The following ZNF765 variants were observed in gnomAD, a reference collection of about 807,000 sequenced individuals.
ZNF765 encodes zinc finger protein 765.
A neutral mutation model predicts 44.7 loss-of-function variants in ZNF765; 37 were observed. That is an observed-to-expected ratio of 0.83 (90% CI 0.64 to 1.09). The LOEUF (loss-of-function observed/expected upper bound fraction) is 1.09. Among genes scored for constraint, ZNF765 ranks in the 50% least tolerant of loss-of-function variants. The pLI is 0.00. For missense variants in ZNF765, 594 were observed against 626.1 expected (o/e 0.95, Z 0.55); for synonymous variants, 201 against 213.7 (o/e 0.94, Z 0.52).
intron 2 of ZNF765, among the ~76,000 whole-genome samples, chr19:53,398,688 G>A (rs2085694059): frequency 6.6e-6 from 1 of 152,184 alleles, no homozygotes; most frequent in African/African-American, 2.4e-5. Flanking sequence ...TTCCTGTGGA[G>A]AGGCTTGTGA....
intron 3 of ZNF765, among the ~76,000 whole-genome samples, chr19:53,419,074 C>G (rs1195181772): frequency 6.6e-6 from 1 of 152,054 alleles, no homozygotes; most frequent in Non-Finnish European, 1.5e-5. Flanking sequence ...GACCCTATAC[C>G]AGTCCCTGAT....
At chr19:53,420,332 AAAAAT>A (rs1051140407) in intron 3 of ZNF765, among the ~76,000 whole-genome samples, 3 of 152,210 alleles carry the variant, frequency 2.0e-5, no homozygotes, top group African/African-American at 7.2e-5. Context: ...ATCCATCTCA[AAAAAT>A]AAAATATAAA....
intron 1 of ZNF765, among the ~76,000 whole-genome samples, chr19:53,395,853 C>T (rs962195545): frequency 1.3e-5 from 2 of 152,112 alleles, no homozygotes; most frequent in African/African-American, 4.8e-5. Flanking sequence ...TCCAAAGCCT[C>T]CGGTGCTTGT....
chr19:53,415,531 T>C (rs2085869809), downstream of ZNF765, among the ~76,000 whole-genome samples: 2 of 151,092 alleles, frequency 1.3e-5, no homozygotes, highest in South Asian at 4.2e-4. Flanking sequence ...CTTTTTATTT[T>C]AGTGTTTAAA....
At chr19:53,420,423 AT>A (rs1216096235) in intron 3 of ZNF765, among the ~76,000 whole-genome samples, 1 of 152,198 alleles carries the variant, frequency 6.6e-6, no homozygotes, top group Admixed American at 6.5e-5. Flanking sequence ...TACAGATTTA[AT>A]TTTTTATATA....
chr19:53,396,320 AAG>A (rs1042492895), intron 1 of ZNF765, among the ~76,000 whole-genome samples: 5 of 151,490 alleles, frequency 3.3e-5, no homozygotes, highest in Admixed American at 6.6e-5. Context: ...GCGGGAAACT[AAG>A]TACTAGAGAG....
In ZNF765 at chr19:53,402,171, A is replaced by G; in HGVS notation, c.122A>G (p.Tyr41Cys). The change falls in exon 3 of 4, where the codon TAT (tyrosine) becomes TGT (cysteine). Residue 41 changes from tyrosine to cysteine, a missense_variant. Tyr to Cys is a radical substitution (Grantham distance 194, BLOSUM62 -2). Transcript: ENST00000396408. The part of the protein sequence containing the change: ...TLYRDVMLEN[Y>C]RNLVSLDISS... ...TACAGGGACGTGATGCTGGAGAATT[A>G]TAGGAACCTGGTCTCCCTGGGTGAG... 6.2e-7 allele frequency: 1 copy of G among 1,613,002 alleles called. No homozygotes were observed. Among genetic ancestry groups the G allele is most frequent in the Non-Finnish European group, 8.5e-7 (1 of 1,179,700 alleles).
At chr19:53,414,490 C>CACACA (rs1568786145), downstream of ZNF765, among the ~76,000 whole-genome samples, 10 of 17,256 alleles carry the variant, frequency 5.8e-4, no homozygotes, top group South Asian at 2.2e-3. Flanking sequence ...CACACACACA[C>CACACA]CCCCCCCCCC....
downstream of ZNF765, among the ~76,000 whole-genome samples, chr19:53,416,754 TAC>T (rs924262524): frequency 1.3e-5 from 2 of 151,476 alleles, no homozygotes; most frequent in South Asian, 2.1e-4. Flanking sequence ...TGGTAAACTC[TAC>T]GTTTCTATGA....
chr19:53,396,252 G>A (rs1320335777), intron 1 of ZNF765, among the ~76,000 whole-genome samples: 1 of 151,934 alleles, frequency 6.6e-6, no homozygotes, highest in Non-Finnish European at 1.5e-5. Flanking sequence ...GGGGATGAGG[G>A]TATAACAGGG....
intron 2 of ZNF765, 32 bp from the exon 3 acceptor site, chr19:53,402,033 A>G: frequency 6.2e-7 from 1 of 1,613,898 alleles, no homozygotes; most frequent in Non-Finnish European, 8.5e-7. Context: ...CTCCTCCCAT[A>G]ACCATTTGGT....
At chr19:53,403,169 A>C (rs1054128776) in intron 3 of ZNF765, among the ~76,000 whole-genome samples, 5 of 151,942 alleles carry the variant, frequency 3.3e-5, no homozygotes, top group African/African-American at 1.2e-4. Flanking sequence ...CAAAAAAAAA[A>C]AGAAAAAAAA....
chr19:53,405,219 G>A (rs1163893670), intron 3 of ZNF765, among the ~76,000 whole-genome samples: 1 of 152,098 alleles, frequency 6.6e-6, no homozygotes, highest in Non-Finnish European at 1.5e-5. Context: ...GAGCGTGGTG[G>A]CGCAAGGCTG....
rs372188479 is a variant in ZNF765, at chr19:53,406,499, G to A, written c.143-1199G>A. On this transcript the variant is annotated intron_variant, in intron 3 of 3. Coordinates refer to ENST00000396408, the MANE Select transcript of ZNF765 (RefSeq NM_001040185.3). Reference sequence around the variant, plus strand: ...TTAGAATTTTGCATGTTGTATAAATGTACTTATTATTTGCTTCCTGGTTTT... The same window carrying A: ...TTAGAATTTTGCATGTTGTATAAATATACTTATTATTTGCTTCCTGGTTTT... Among the ~76,000 whole-genome samples the A allele has an allele frequency of 3.9e-5, 6 of 152,070 alleles. No homozygotes were observed. The East Asian group carries it at 5.8e-4, about 15-fold the overall frequency.
downstream of ZNF765, among the ~76,000 whole-genome samples, chr19:53,415,520 ACTT>A (rs2085869734): frequency 6.6e-6 from 1 of 151,858 alleles, no homozygotes; most frequent in African/African-American, 2.4e-5. Context: ...ATAAATGACT[ACTT>A]TTTATTTTAG....
intron 2 of ZNF765, among the ~76,000 whole-genome samples, chr19:53,400,088 A>AG (rs1156799122): frequency 1.3e-5 from 2 of 152,174 alleles, no homozygotes; most frequent in African/African-American, 2.4e-5. Context: ...GTGGGATTAC[A>AG]GGCATGAGCC....
chr19:53,410,381 T>C lies in ZNF765; in HGVS notation c.*1254T>C. 3.0e-6 allele frequency: 1 copy of C among 336,894 alleles called. No homozygotes were observed. The allele number at this position is 336,894 out of a possible 1,614,324, so 20.9% of individuals were successfully genotyped here. ...CCAAGTTTTCAGTCACACTCAAACCTTGAAAGACACAGGAGAATTCCTACT... is the reference window on the plus strand; with the variant it reads ...CCAAGTTTTCAGTCACACTCAAACCCTGAAAGACACAGGAGAATTCCTACT... On this transcript the variant is annotated 3_prime_UTR_variant, in exon 4 of 4. Coordinates refer to ENST00000396408, the MANE Select transcript of ZNF765 (RefSeq NM_001040185.3).
chr19:53,396,919 A>AGCTGAGTGGTAGTCT (rs1275584340), intron 1 of ZNF765, among the ~76,000 whole-genome samples: 1 of 152,260 alleles, frequency 6.6e-6, no homozygotes, highest in Non-Finnish European at 1.5e-5. Flanking sequence ...TGGAGCTATT[A>AGCTGAGTGGTAGTCT]GCTGAGTGGT....
intron 3 of ZNF765, among the ~76,000 whole-genome samples, chr19:53,402,403 C>G (rs1458477930): frequency 2.0e-5 from 3 of 151,760 alleles, no homozygotes; most frequent in Non-Finnish European, 4.4e-5. Context: ...ACTACAGGCA[C>G]CCACCAACAT....
Sources: gnomAD v4.1 joint callset for allele counts (sites outside exome capture counted in the v4.1 genomes callset) on GRCh38, gnomAD v4.1.1 for gene constraint, MANE v1.5 for transcripts, NCBI Gene and HGNC (gene_info 2026-07-23, HGNC 2026-07-21) for gene names.